IQCM: variants seen among roughly 807,000 people sequenced by gnomAD.
IQCM encodes IQ motif containing M.
In IQCM, 45 loss-of-function variants were observed where a neutral mutation model predicts 57.6. The ratio of observed to expected loss-of-function variants is 0.78; its 90% CI spans 0.62 to 1.00. The LOEUF is 1.00. IQCM is among the 50% of genes least tolerant of loss of function. The probability of loss-of-function intolerance (pLI) is 0.00; values close to 1 mark genes in which losing one functional copy is unlikely to be tolerated. For missense variants in IQCM, 468 were observed against 511.6 expected (o/e 0.91, Z 0.82); for synonymous variants, 148 against 158.9 (o/e 0.93, Z 0.51).
chr4:149,473,035 C>T (rs372525783), intron 12 of IQCM, among the ~76,000 whole-genome samples: 2 of 152,036 alleles, frequency 1.3e-5, no homozygotes, highest in Non-Finnish European at 2.9e-5. Context: ...AGAAAACCTA[C>T]GCAATACCAT....
At chr4:149,419,624 A>G (rs1343904747) in intron 13 of IQCM, among the ~76,000 whole-genome samples, 2 of 152,166 alleles carry the variant, frequency 1.3e-5, no homozygotes, top group African/African-American at 4.8e-5. Flanking sequence ...ATTGCAACGA[A>G]GCCAAAATTG....
intron 8 of IQCM, among the ~76,000 whole-genome samples, chr4:149,608,252 C>A (rs1386626844): frequency 6.6e-6 from 1 of 151,678 alleles, no homozygotes; most frequent in Non-Finnish European, 1.5e-5. Flanking sequence ...ACTGGAGCAC[C>A]CAGAAATACA....
chr4:149,516,260 C>G (rs948825229), intron 12 of IQCM, among the ~76,000 whole-genome samples: 1 of 152,202 alleles, frequency 6.6e-6, no homozygotes, highest in African/African-American at 2.4e-5. Context: ...TTTGTCCTCA[C>G]TGGAATAGAC....
chr4:149,641,866 A>G (rs911396857), intron 7 of IQCM, among the ~76,000 whole-genome samples: 1 of 152,154 alleles, frequency 6.6e-6, no homozygotes, highest in Non-Finnish European at 1.5e-5. Flanking sequence ...ATAAAAAAAG[A>G]TCATTAATCT....
At chr4:149,476,310 A>G (rs978021188) in intron 12 of IQCM, among the ~76,000 whole-genome samples, 6 of 152,168 alleles carry the variant, frequency 3.9e-5, no homozygotes, top group Admixed American at 1.3e-4. Context: ...AGAAAACGAA[A>G]TTCAAAATGA....
At chr4:149,439,960 C>CT (rs554542262) in intron 12 of IQCM, among the ~76,000 whole-genome samples, 33,783 of 141,556 alleles carry the variant, frequency 0.24, 4,441 homozygotes, top group Non-Finnish European at 0.3. Flanking sequence ...TGTTGCTATT[C>CT]TTTTTTTTTT....
At chr4:149,689,604 T>G (rs1281695512) in intron 5 of IQCM, among the ~76,000 whole-genome samples, 1 of 152,098 alleles carries the variant, frequency 6.6e-6, no homozygotes, top group East Asian at 1.9e-4. Context: ...AAAGAACTTT[T>G]GCACAGCAAA....
chr4:149,378,762 G>A (rs990807255), intron 13 of IQCM, among the ~76,000 whole-genome samples: 20 of 152,252 alleles, frequency 1.3e-4, no homozygotes, highest in Non-Finnish European at 2.2e-4. Context: ...AATTCAAGCC[G>A]GCTGCAGAAA....
At chr4:149,771,663 A>T (rs1031985968) in intron 2 of IQCM, among the ~76,000 whole-genome samples, 1 of 152,144 alleles carries the variant, frequency 6.6e-6, no homozygotes, top group East Asian at 1.9e-4. Flanking sequence ...TTATAGTGAG[A>T]TTACATTGTA....
intron 5 of IQCM, among the ~76,000 whole-genome samples, chr4:149,721,991 T>G (rs1029831220): frequency 6.6e-6 from 1 of 152,108 alleles, no homozygotes; most frequent in Non-Finnish European, 1.5e-5. Context: ...CCATTCTGGC[T>G]ATGGTAATGT....
In IQCM at chr4:149,697,471, A is replaced by T. The variant is rs564295337; in HGVS notation, c.386-11003T>A. Among the ~76,000 whole-genome samples the T allele has an allele frequency of 1.5e-3, 229 of 152,266 alleles. 1 individual carries two copies. The highest frequency in any genetic ancestry group is 5.3e-3 in the African/African-American group (220 of 41,564). On this transcript the variant is annotated intron_variant, in intron 5 of 13. Transcript: ENST00000636793. ...TATAAGGAATTTTGCAATCCAGATT[A>T]AATGTCTGGTAGCCTGAAATCAGCC...
intron 12 of IQCM, among the ~76,000 whole-genome samples, chr4:149,505,450 T>G (rs963480436): frequency 6.6e-6 from 1 of 152,204 alleles, no homozygotes; most frequent in Non-Finnish European, 1.5e-5. Context: ...GAAAGATAAA[T>G]TTTTCATCTT....
At chr4:149,413,443 G>A (rs952321747) in intron 13 of IQCM, among the ~76,000 whole-genome samples, 1 of 152,134 alleles carries the variant, frequency 6.6e-6, no homozygotes, top group African/African-American at 2.4e-5. Flanking sequence ...GGGTGGGCAG[G>A]GGAGTGCAAA....
intron 12 of IQCM, among the ~76,000 whole-genome samples, chr4:149,491,475 C>G (rs555934180): frequency 6.6e-6 from 1 of 152,042 alleles, no homozygotes; most frequent in African/African-American, 2.4e-5. Flanking sequence ...ATGAGTACAA[C>G]CTTTTCAGAT....
chr4:149,781,697 C>A (rs76102316), intron 2 of IQCM, among the ~76,000 whole-genome samples: 1 of 152,124 alleles, frequency 6.6e-6, no homozygotes, highest in African/African-American at 2.4e-5. Context: ...TTTCAGACAT[C>A]TGCTGGGGGT....
intron 2 of IQCM, among the ~76,000 whole-genome samples, chr4:149,784,618 G>A (rs1384980056): frequency 2.6e-5 from 4 of 152,078 alleles, no homozygotes; most frequent in Non-Finnish European, 5.9e-5. Flanking sequence ...GTTTCACCGT[G>A]TTAGCCAGGA....
chr4:149,502,711 A>T (rs1330677272), intron 12 of IQCM, among the ~76,000 whole-genome samples: 1 of 152,072 alleles, frequency 6.6e-6, no homozygotes, highest in East Asian at 1.9e-4. Flanking sequence ...AAACAAACAA[A>T]CAAATAAAAT....
intron 8 of IQCM, among the ~76,000 whole-genome samples, chr4:149,613,852 G>C (rs2150058771): frequency 6.6e-6 from 1 of 152,184 alleles, no homozygotes; most frequent in Middle Eastern, 3.4e-3. Context: ...AGTTTGCTGA[G>C]AATGATGGTT....
chr4:149,612,570 G>C (rs962640511), intron 8 of IQCM, among the ~76,000 whole-genome samples: 1 of 152,014 alleles, frequency 6.6e-6, no homozygotes, highest in African/African-American at 2.4e-5. Context: ...AAGTAGCAAA[G>C]CAGGAACAAT....
Sources: allele counts gnomAD v4.1 joint callset (sites outside exome capture counted in the v4.1 genomes callset), GRCh38; gene constraint gnomAD v4.1.1; transcripts MANE v1.5; gene names NCBI Gene and HGNC (gene_info 2026-07-23, HGNC 2026-07-21).